The following EBF3 variants were observed in gnomAD, a reference collection of about 807,000 sequenced individuals.
EBF3 encodes the protein transcription factor COE3.
In EBF3, 18 loss-of-function variants were observed where a neutral mutation model predicts 77.1. The ratio of observed to expected loss-of-function variants is 0.23; its 90% CI spans 0.16 to 0.35. The LOEUF is 0.35. EBF3 is among the 10% of genes least tolerant of loss of function. The pLI, the probability that EBF3 is intolerant of heterozygous loss-of-function variation, is 1.00. For synonymous variants in EBF3, 350 were observed against 343.5 expected (o/e 1.02, Z -0.21); for missense variants, 558 against 860.0 (o/e 0.65, Z 4.39).
chr10:129,854,508 A>G (rs1236656143), intron 10 of EBF3, among the ~76,000 whole-genome samples: 1 of 152,092 alleles, frequency 6.6e-6, no homozygotes, highest in Non-Finnish European at 1.5e-5. Flanking sequence ...AAAAATAGAA[A>G]AAAAAAATCT....
chr10:129,851,589 C>T (rs2133994830), intron 10 of EBF3, among the ~76,000 whole-genome samples: 1 of 152,304 alleles, frequency 6.6e-6, no homozygotes, highest in East Asian at 1.9e-4. Context: ...CAACTTTCTG[C>T]ATGGAATTCC....
chr10:129,959,169 G>A (rs1421225108), intron 4 of EBF3, among the ~76,000 whole-genome samples, 162 bp from the exon 5 acceptor site: 1 of 152,142 alleles, frequency 6.6e-6, no homozygotes, highest in Non-Finnish European at 1.5e-5. Flanking sequence ...GTCACCCTCG[G>A]AGCTGGGCTA....
At chr10:129,852,534 T>C (rs927431912) in intron 10 of EBF3, among the ~76,000 whole-genome samples, 2 of 152,244 alleles carry the variant, frequency 1.3e-5, no homozygotes, top group African/African-American at 4.8e-5. Flanking sequence ...AGTTTTCATT[T>C]TGATGGCTTA....
rs1235008025 is a variant in EBF3, at chr10:129,943,071, C to T, written c.554+14187G>A. Among the ~76,000 whole-genome samples, 1 of 152,180 alleles carries T rather than the reference C, an allele frequency of 6.6e-6. No homozygotes were observed. Among genetic ancestry groups the T allele is most frequent in the Non-Finnish European group, 1.5e-5 (1 of 68,040 alleles). On this transcript the variant is annotated intron_variant, in intron 6 of 16. Transcript: ENST00000440978. The surrounding 1 kb of genome is among the most constrained non-coding windows in gnomAD (Gnocchi z 8.8). Reference sequence around the variant, plus strand: ...ACCGATTCCTGTCCTCCATTCTAAACCACTTTGCCTGCACGATGGGAATGA... The same window carrying T: ...ACCGATTCCTGTCCTCCATTCTAAATCACTTTGCCTGCACGATGGGAATGA...
chr10:129,922,614 G>A (rs1391681084), intron 6 of EBF3, among the ~76,000 whole-genome samples: 7 of 152,192 alleles, frequency 4.6e-5, no homozygotes, highest in Non-Finnish European at 8.8e-5. Context: ...CCCGGCTCTC[G>A]CCGTCCTTGC....
In EBF3 at chr10:129,944,911, T is replaced by C. The variant is rs1480805738; in HGVS notation, c.554+12347A>G. ...AACTGGGCATTTAAAGCTTGATTTT[T>C]TAAAAGAAAAACACTGTCTGAAGTT... On this transcript the variant is annotated intron_variant, in intron 6 of 16. Coordinates refer to ENST00000440978, the MANE Select transcript of EBF3 (RefSeq NM_001375380.1). The surrounding 1 kb of genome is among the most constrained non-coding windows in gnomAD (Gnocchi z 5.1). Among the ~76,000 whole-genome samples, 2 of 151,326 alleles carry C rather than the reference T, an allele frequency of 1.3e-5. No individual in the cohort carries two copies. Among genetic ancestry groups the C allele is most frequent in the Non-Finnish European group, 2.9e-5 (2 of 67,932 alleles).
In EBF3 at chr10:129,843,170, C is replaced by T. The variant is rs748310898; in HGVS notation, c.1161G>A (p.Val387=). Residue 387 remains valine, a synonymous_variant, in exon 12 of 17, where the codon GTG becomes GTA. Transcript: ENST00000440978. The part of the protein sequence containing the change: ...EVLLKRAADL[V]EALYGMPHNN... The stretch of plus-strand genomic sequence containing the variant: ...TGTGAGGCATTCCGTATAAGGCTTC[C>T]ACCAGGTCCGCCGCCCGCTTCAGTA... The T allele has an allele frequency of 1.2e-6, 2 of 1,613,456 alleles. No homozygotes were observed. Among genetic ancestry groups the T allele is most frequent in the South Asian group, 1.1e-5 (1 of 90,922 alleles).
chr10:129,878,091 A>G lies in EBF3; in HGVS notation c.555-242T>C, dbSNP rs531155856. On this transcript the variant is annotated intron_variant, in intron 6 of 16. Coordinates refer to ENST00000440978, the MANE Select transcript of EBF3 (RefSeq NM_001375380.1). The stretch of plus-strand genomic sequence containing the variant: ...ACGCTGTGGGTGTCCAAGCTTTATG[A>G]TAATAGCTGCGACTTTCGCATTGGC... Among the ~76,000 whole-genome samples, 7 of 152,268 alleles carry G rather than the reference A, an allele frequency of 4.6e-5. No individual in the cohort carries two copies. The East Asian group carries it at 7.7e-4, about 17-fold the overall frequency.
intron 6 of EBF3, among the ~76,000 whole-genome samples, chr10:129,946,453 G>A (rs188828158): frequency 6.6e-5 from 10 of 152,310 alleles, no homozygotes; most frequent in East Asian, 3.9e-4. Context: ...GCTGCTGACC[G>A]CAGGACTCGG....
chr10:129,851,143 G>C (rs1287548420), intron 10 of EBF3, among the ~76,000 whole-genome samples: 1 of 152,198 alleles, frequency 6.6e-6, no homozygotes, highest in East Asian at 1.9e-4. Context: ...CTGATTTTGG[G>C]TAAACATATG....
rs114278952 is a variant in EBF3, at chr10:129,936,471, G to C, written c.554+20787C>G. Reference sequence around the variant, plus strand: ...GGCCCACGGGAAGTAGGGCTGGCCTGTCAGGGGACCCTCGGCCTGTGTGAG... The same window carrying C: ...GGCCCACGGGAAGTAGGGCTGGCCTCTCAGGGGACCCTCGGCCTGTGTGAG... On this transcript the variant is annotated intron_variant, in intron 6 of 16. Coordinates refer to ENST00000440978, the MANE Select transcript of EBF3 (RefSeq NM_001375380.1). Among the ~76,000 whole-genome samples, 386 of 152,350 alleles carry C rather than the reference G, an allele frequency of 2.5e-3. 2 individuals carry two copies. The highest frequency in any genetic ancestry group is 9.0e-3 in the African/African-American group (376 of 41,582).
At chr10:129,867,305 C>A in intron 9 of EBF3, 38 bp from the exon 10 acceptor site, 1 of 1,611,892 alleles carries the variant, frequency 6.2e-7, no homozygotes, top group Non-Finnish European at 8.5e-7. Flanking sequence ...CTCAGCGGCG[C>A]TGGCTATGAG....
At chr10:129,862,489 T>C (rs1851711727) in intron 10 of EBF3, among the ~76,000 whole-genome samples, 1 of 152,090 alleles carries the variant, frequency 6.6e-6, no homozygotes, top group Admixed American at 6.5e-5. Context: ...AAGAAATCTC[T>C]AAAAGGAGGG....
chr10:129,960,278 C>G (rs1226244502), intron 4 of EBF3, among the ~76,000 whole-genome samples: 2 of 152,082 alleles, frequency 1.3e-5, no homozygotes, highest in African/African-American at 4.8e-5. Flanking sequence ...CCGGGCACTT[C>G]TGACACTTTC....
intron 6 of EBF3, among the ~76,000 whole-genome samples, chr10:129,917,008 A>G (rs1304987699): frequency 1.3e-5 from 2 of 152,260 alleles, no homozygotes; most frequent in African/African-American, 4.8e-5. Flanking sequence ...AGATCCATTA[A>G]TAATAAGTAC....
chr10:129,926,282 C>T (rs1308735480), intron 6 of EBF3, among the ~76,000 whole-genome samples: 1 of 152,170 alleles, frequency 6.6e-6, no homozygotes, highest in Non-Finnish European at 1.5e-5. Flanking sequence ...CCCGCAAGAG[C>T]ATGGACTCCA....
At chr10:129,858,195 T>G (rs1851385275) in intron 10 of EBF3, among the ~76,000 whole-genome samples, 1 of 152,220 alleles carries the variant, frequency 6.6e-6, no homozygotes, top group South Asian at 2.1e-4. Flanking sequence ...CATGTGAAGC[T>G]GCAGCCCAAT....
chr10:129,866,918 G>T (rs962221631), intron 10 of EBF3, among the ~76,000 whole-genome samples: 2 of 152,256 alleles, frequency 1.3e-5, no homozygotes, highest in Non-Finnish European at 2.9e-5. Flanking sequence ...GGTACCGAAG[G>T]TCACACAGCC....
intron 16 of EBF3, among the ~76,000 whole-genome samples, chr10:129,838,279 G>A (rs1173577871): frequency 6.6e-6 from 1 of 152,246 alleles, no homozygotes; most frequent in Non-Finnish European, 1.5e-5. Flanking sequence ...ACACTGACCG[G>A]TGCACTGCCA....
Sources: gnomAD v4.1 joint callset for allele counts (sites outside exome capture counted in the v4.1 genomes callset) on GRCh38, gnomAD v4.1.1 for gene constraint, Gnocchi (gnomAD v3.1) non-coding constraint, MANE v1.5 for transcripts, NCBI Gene and HGNC (gene_info 2026-07-23, HGNC 2026-07-21) for gene names.